Variants in PGPEP1 observed in about 807,000 individuals in gnomAD.
PGPEP1 encodes pyroglutamyl-peptidase I.
A neutral mutation model predicts 24.1 loss-of-function variants in PGPEP1; 15 were observed. That is an observed-to-expected ratio of 0.62 (90% confidence interval 0.42 to 0.96). The LOEUF (loss-of-function observed/expected upper bound fraction) is 0.96. Among genes scored for constraint, PGPEP1 ranks in the 40% least tolerant of loss-of-function variants. The pLI, the probability that PGPEP1 is intolerant of heterozygous loss-of-function variation, is 0.00. For synonymous variants in PGPEP1, 122 were observed against 116.4 expected (o/e 1.05, Z -0.31); for missense variants, 242 against 273.4 (o/e 0.89, Z 0.81).
intron 4 of PGPEP1, 77 bp downstream of exon 4, chr19:18,357,692 G>T (rs551983473): frequency 9.3e-7 from 1 of 1,080,566 alleles, no homozygotes; most frequent in Non-Finnish European, 1.4e-6. Context: ...CAAGCCAAGC[G>T]TGTTGACCTT....
At chr19:18,361,860 C>T (rs1971356163) in intron 4 of PGPEP1, 1 of 985,090 alleles carries the variant, frequency 1.0e-6, no homozygotes, top group African/African-American at 1.7e-5. Flanking sequence ...GAATTCTCAT[C>T]CTTAGTTTTC....
chr19:18,361,831 C>T (rs936155551), intron 4 of PGPEP1: 4 of 985,168 alleles, frequency 4.1e-6, no homozygotes, highest in Non-Finnish European at 4.8e-6. Context: ...AGTCACATGG[C>T]GAAAGTCACA....
chr19:18,352,911 G>A (rs1971078261), intron 2 of PGPEP1, among the ~76,000 whole-genome samples: 1 of 146,522 alleles, frequency 6.8e-6, no homozygotes, highest in Non-Finnish European at 1.5e-5. Context: ...TTGGAAACAG[G>A]TTGAATCTTT....
rs1255478300 is a variant in PGPEP1 at position 18,363,850 on chromosome 19, T to A, written c.*267T>A. ...TGACCAGGGAGGCCAGCCTGGGAGG[T>A]CCAGATGCCCAGGGAGAATCTTGGT... On this transcript the variant is annotated 3_prime_UTR_variant, in exon 5 of 5. Coordinates refer to ENST00000269919, the MANE Select transcript of PGPEP1 (RefSeq NM_017712.4). The A allele has an allele frequency of 1.2e-5, 4 of 339,074 alleles. No individual in the cohort carries two copies. Among genetic ancestry groups the A allele is most frequent in the Non-Finnish European group, 2.2e-5 (4 of 183,192 alleles). The allele number at this position is 339,074 out of a possible 1,614,324, so 21.0% of individuals were successfully genotyped here.
intron 2 of PGPEP1, among the ~76,000 whole-genome samples, chr19:18,344,572 A>C (rs1970778131): frequency 7.3e-6 from 1 of 137,408 alleles, no homozygotes; most frequent in African/African-American, 2.7e-5. Context: ...TTCAGACCTC[A>C]AAGTTTTGGC....
At chr19:18,349,970 C>T (rs956905832) in intron 2 of PGPEP1, among the ~76,000 whole-genome samples, 1 of 152,104 alleles carries the variant, frequency 6.6e-6, no homozygotes, top group East Asian at 1.9e-4. Flanking sequence ...TCAAGTGGTC[C>T]GCCCCAGTAG....
chr19:18,346,585 C>T (rs1314735764), intron 2 of PGPEP1, among the ~76,000 whole-genome samples: 1 of 150,714 alleles, frequency 6.6e-6, no homozygotes, highest in Non-Finnish European at 1.5e-5. Context: ...TCTTCTGTCT[C>T]TCTCTCTGTC....
chr19:18,343,116 C>T (rs1189140991), intron 2 of PGPEP1, among the ~76,000 whole-genome samples: 1 of 152,036 alleles, frequency 6.6e-6, no homozygotes, highest in Non-Finnish European at 1.5e-5. Flanking sequence ...TCTCCCACCT[C>T]AGCCTCCAGA....
intron 2 of PGPEP1, among the ~76,000 whole-genome samples, chr19:18,343,293 C>T (rs1000272658): frequency 6.6e-6 from 1 of 152,134 alleles, no homozygotes; most frequent in Non-Finnish European, 1.5e-5. Context: ...AGCCACTACG[C>T]CCAGCCAGCT....
rs745367142 is a variant in PGPEP1, at chr19:18,342,937, T to A, written c.87+26T>A. ...GTAACTTAGATCCGGAGGGTGGGAG[T>A]CAGGCTTGGAGCTGGGCACACCCCA... On this transcript the variant is annotated intron_variant, in intron 2 of 4. Transcript: ENST00000269919. The A allele has an allele frequency of 8.8e-6, 14 of 1,590,946 alleles. No homozygotes were observed. The African/African-American group carries it at 1.9e-4, about 21-fold the overall frequency.
chr19:18,352,266 C>CAAAAAAAAAAAAA (rs60299417), intron 2 of PGPEP1, among the ~76,000 whole-genome samples: 2,343 of 43,300 alleles, frequency 0.054, 411 homozygotes, highest in East Asian at 0.29. Flanking sequence ...GACTCCGTCT[C>CAAAAAAAAAAAAA]AAAAAAAAAA....
In PGPEP1 at chr19:18,364,119, T is replaced by TCTTTCTTGCTTTCTTTCTTG. The variant is rs1555713616; in HGVS notation, c.*543_*544insGCTTTCTTTCTTGCTTTCTT. 2 of 138,630 alleles carry TCTTTCTTGCTTTCTTTCTTG rather than the reference T, an allele frequency of 1.4e-5. 1 individual carries two copies. Among genetic ancestry groups the TCTTTCTTGCTTTCTTTCTTG allele is most frequent in the African/African-American group, 5.9e-5 (2 of 33,644 alleles). 8.6% of individuals were successfully genotyped at this position (138,630 alleles called of 1,614,324 possible). A position where few individuals can be genotyped will look rare whatever the true frequency, so the allele number is the denominator to read the frequency against. ...TTCTTTCTTTCTTTCTTTCTTGCTT[T>TCTTTCTTGCTTTCTTTCTTG]CTTTCTTTCTTGCTTTCTTTCTTCT... On this transcript the variant is annotated 3_prime_UTR_variant, in exon 5 of 5. Transcript: ENST00000269919.
chr19:18,340,937 T>TG (rs951682149), intron 1 of PGPEP1, among the ~76,000 whole-genome samples: 3 of 151,956 alleles, frequency 2.0e-5, no homozygotes, highest in African/African-American at 7.3e-5. Context: ...GCGCGGGGCT[T>TG]GGGGGGCCGG....
At position 18,352,266 on chromosome 19, in the gene PGPEP1, CAAA is replaced by C. The variant is rs60299417; in HGVS notation, c.88-3610_88-3608del. Among the ~76,000 whole-genome samples the C allele has an allele frequency of 4.6e-4, 20 of 43,664 alleles. 1 individual carries two copies. The highest frequency in any genetic ancestry group is 7.2e-4 in the Admixed American group (2 of 2,770). The allele number at this position is 43,664 out of a possible 152,430, so 28.6% of individuals were successfully genotyped here. A position where few individuals can be genotyped will look rare whatever the true frequency, so the allele number is the denominator to read the frequency against. ...TGGGTGACAGAGCGAGACTCCGTCT[CAAA>C]AAAAAAAAAAAAAAAAAATTAGTTG... On this transcript the variant is annotated intron_variant, in intron 2 of 4. Coordinates refer to ENST00000269919, the MANE Select transcript of PGPEP1 (RefSeq NM_017712.4).
intron 4 of PGPEP1, among the ~76,000 whole-genome samples, chr19:18,362,985 A>G (rs1971387420): frequency 1.3e-5 from 2 of 150,150 alleles, no homozygotes; most frequent in African/African-American, 2.5e-5. Context: ...CACTCTGCCC[A>G]TTTCCCCACA....
Position 18,355,918 on chromosome 19 carries a change from C to T in PGPEP1, c.111C>T (p.Gly37=), listed in dbSNP as rs781102164. Residue 37 remains glycine, a synonymous_variant, in exon 3 of 5, where the codon GGC becomes GGT. Coordinates refer to ENST00000269919, the MANE Select transcript of PGPEP1 (RefSeq NM_017712.4). ...AVQELEKLGL[G]DSVDLHVYEI... is the part of the protein sequence containing the mutation. ...AGGAGCTAGAAAAGCTAGGCCTTGG[C>T]GACAGCGTGGACCTGCATGTGTACG... The T allele has an allele frequency of 7.4e-6, 12 of 1,612,330 alleles. No individual in the cohort carries two copies. The East Asian group carries it at 1.3e-4, about 18-fold the overall frequency.
In PGPEP1 at chr19:18,363,993, T is replaced by G. The variant is rs528658299; in HGVS notation, c.*410T>G. ...TATCCAAGACTGGCTTTTACCAAAT[T>G]TAAAAGCCTCTCAATGCGTCCTCGA... On this transcript the variant is annotated 3_prime_UTR_variant, in exon 5 of 5. Transcript: ENST00000269919. 2.4e-4 allele frequency: 41 copies of G among 170,822 alleles called. No individual in the cohort carries two copies. Among genetic ancestry groups the G allele is most frequent in the African/African-American group, 9.1e-4 (38 of 41,988 alleles). The allele number at this position is 170,822 out of a possible 1,614,324, so 10.6% of individuals were successfully genotyped here. A position where few individuals can be genotyped will look rare whatever the true frequency, so the allele number is the denominator to read the frequency against.
chr19:18,349,904 C>T (rs1970971992), intron 2 of PGPEP1, among the ~76,000 whole-genome samples: 1 of 151,864 alleles, frequency 6.6e-6, no homozygotes, highest in African/African-American at 2.4e-5. Context: ...GCTTTTTGGT[C>T]TTTTTTCGAG....
Position 18,340,642 on chromosome 19 carries a change from T to C in PGPEP1, c.-40T>C. ...GCAGCGGCAGCAGCTGTCGCGCCAG[T>C]CGCAACAGAAGCAGGTCCGAGGCAC... On this transcript the variant is annotated 5_prime_UTR_variant, in exon 1 of 5. Coordinates refer to ENST00000269919, the MANE Select transcript of PGPEP1 (RefSeq NM_017712.4). 8 of 1,516,566 alleles carry C rather than the reference T, an allele frequency of 5.3e-6. No individual in the cohort carries two copies. Among genetic ancestry groups the C allele is most frequent in the Non-Finnish European group, 7.0e-6 (8 of 1,134,768 alleles). 93.9% of individuals were successfully genotyped at this position (1,516,566 alleles called of 1,614,324 possible).
Sources: gnomAD v4.1 joint callset for allele counts (sites outside exome capture counted in the v4.1 genomes callset) on GRCh38, gnomAD v4.1.1 for gene constraint, MANE v1.5 for transcripts, NCBI Gene and HGNC (gene_info 2026-07-23, HGNC 2026-07-21) for gene names.